Variants in SAMD4A observed in about 807,000 individuals in gnomAD.
SAMD4A encodes sterile alpha motif domain containing 4A.
SAMD4A carries 33 observed loss-of-function variants against 81.3 expected under a neutral mutation model. That is an observed-to-expected ratio of 0.41 (90% confidence interval 0.31 to 0.54). The LOEUF is 0.54. Among genes scored for constraint, SAMD4A ranks in the 20% least tolerant of loss-of-function variants. SAMD4A has a pLI of 0.37. For synonymous variants in SAMD4A, 389 were observed against 382.1 expected (o/e 1.02, Z -0.21); for missense variants, 854 against 951.1 (o/e 0.90, Z 1.34).
At chr14:54,736,487 GT>G (rs1212606592) in intron 3 of SAMD4A, among the ~76,000 whole-genome samples, 1 of 152,164 alleles carries the variant, frequency 6.6e-6, no homozygotes, top group Non-Finnish European at 1.5e-5. Flanking sequence ...AGAGGCCATA[GT>G]TCCCTGAATC....
chr14:54,753,373 T>C (rs1273682622), intron 6 of SAMD4A, among the ~76,000 whole-genome samples: 1 of 152,268 alleles, frequency 6.6e-6, no homozygotes, highest in Non-Finnish European at 1.5e-5. Context: ...CTTGTAAACA[T>C]TTTGTTAACA....
At chr14:54,628,462 A>G (rs2034818196) in intron 2 of SAMD4A, among the ~76,000 whole-genome samples, 1 of 152,174 alleles carries the variant, frequency 6.6e-6, no homozygotes, top group African/African-American at 2.4e-5. Context: ...GAAATTGCTG[A>G]TGCTCTGAAA....
chr14:54,712,858 G>A (rs1374521215), intron 3 of SAMD4A, among the ~76,000 whole-genome samples: 1 of 152,132 alleles, frequency 6.6e-6, no homozygotes, highest in African/African-American at 2.4e-5. Context: ...TACAGAGGAA[G>A]ACAGTTGTGT....
At chr14:54,658,843 C>T (rs2035580144) in intron 2 of SAMD4A, among the ~76,000 whole-genome samples, 1 of 152,258 alleles carries the variant, frequency 6.6e-6, no homozygotes, top group African/African-American at 2.4e-5. Context: ...ACTATTGTCA[C>T]TCATTAGAAG....
chr14:54,762,060 C>T (rs1478118210), intron 7 of SAMD4A, among the ~76,000 whole-genome samples: 1 of 152,212 alleles, frequency 6.6e-6, no homozygotes, highest in Non-Finnish European at 1.5e-5. Context: ...GGCCTTCCCA[C>T]AGACCATCCA....
At chr14:54,698,674 C>T (rs1594827949) in intron 2 of SAMD4A, among the ~76,000 whole-genome samples, 1 of 152,204 alleles carries the variant, frequency 6.6e-6, no homozygotes, top group East Asian at 1.9e-4. Flanking sequence ...GTGTAGTTAG[C>T]CCTCAGAGAG....
intron 2 of SAMD4A, among the ~76,000 whole-genome samples, chr14:54,700,739 A>G (rs988475668): frequency 2.0e-4 from 31 of 152,302 alleles, no homozygotes; most frequent in Admixed American, 1.6e-3. Flanking sequence ...CAATCCCAAG[A>G]CAGGCTATTT....
chr14:54,653,131 A>G (rs1402073763), intron 2 of SAMD4A, among the ~76,000 whole-genome samples: 1 of 149,818 alleles, frequency 6.7e-6, no homozygotes, highest in East Asian at 2.0e-4. Flanking sequence ...TTTCCCTCTT[A>G]CCTTCTCTTC....
intron 2 of SAMD4A, among the ~76,000 whole-genome samples, chr14:54,606,202 T>C (rs909167174): frequency 1.3e-5 from 2 of 151,324 alleles, no homozygotes; most frequent in African/African-American, 2.4e-5. Flanking sequence ...TGTGTGTGTG[T>C]GTGTGTGTGT....
At chr14:54,719,087 G>A (rs745439400) in intron 3 of SAMD4A, among the ~76,000 whole-genome samples, 5 of 151,962 alleles carry the variant, frequency 3.3e-5, no homozygotes, top group Admixed American at 6.6e-5. Context: ...CTTCCTTCTT[G>A]TAGAACAGCC....
chr14:54,674,770 C>T (rs943690583), intron 2 of SAMD4A, among the ~76,000 whole-genome samples: 1 of 152,132 alleles, frequency 6.6e-6, no homozygotes, highest in African/African-American at 2.4e-5. Context: ...ATTTTTGAGA[C>T]AGGGTCTCAC....
intron 3 of SAMD4A, among the ~76,000 whole-genome samples, chr14:54,717,739 G>A (rs1264047293): frequency 2.6e-5 from 4 of 152,122 alleles, no homozygotes; most frequent in African/African-American, 9.7e-5. Context: ...ACGTGATTGA[G>A]GCTAGGCAGT....
intron 3 of SAMD4A, among the ~76,000 whole-genome samples, chr14:54,706,935 A>G (rs926888292): frequency 2.6e-5 from 4 of 152,168 alleles, no homozygotes; most frequent in Non-Finnish European, 5.9e-5. Context: ...GATTATGAGC[A>G]AACCAGATGA....
At chr14:54,641,574 T>TA (rs1346639010) in intron 2 of SAMD4A, among the ~76,000 whole-genome samples, 5 of 152,216 alleles carry the variant, frequency 3.3e-5, no homozygotes, top group African/African-American at 1.2e-4. Context: ...CATAGTGGCA[T>TA]ATGAGACATG....
Position 54,654,775 on chromosome 14 carries a change from C to T in SAMD4A, c.197-47287C>T, listed in dbSNP as rs76913834. Among the ~76,000 whole-genome samples, 338 of 152,286 alleles carry T rather than the reference C, an allele frequency of 2.2e-3. 1 individual carries two copies. The highest frequency in any genetic ancestry group is 6.8e-3 in the Middle Eastern group (2 of 294). On this transcript the variant is annotated intron_variant, in intron 2 of 12. Coordinates refer to ENST00000554335, the MANE Select transcript of SAMD4A (RefSeq NM_015589.6). ...GTCAGCAAAAATTCTATCACAGAAG[C>T]AGTGTTGGTCTGTGATACTTGGGAA...
intron 2 of SAMD4A, among the ~76,000 whole-genome samples, chr14:54,637,376 AAAAAAAAAAAAG>A (rs1258462209): frequency 6.6e-6 from 1 of 150,482 alleles, no homozygotes; most frequent in African/African-American, 2.4e-5. Flanking sequence ...AAAAAAAAAA[AAAAAAAAAAAAG>A]AGGCAAGAAG....
At chr14:54,664,609 C>T (rs2035716871) in intron 2 of SAMD4A, among the ~76,000 whole-genome samples, 1 of 152,022 alleles carries the variant, frequency 6.6e-6, no homozygotes, top group African/African-American at 2.4e-5. Flanking sequence ...CCCCCACCCC[C>T]TCTCTTCTTC....
At chr14:54,766,659 G>A (rs1445305346) in intron 8 of SAMD4A, among the ~76,000 whole-genome samples, 1 of 152,134 alleles carries the variant, frequency 6.6e-6, no homozygotes, top group Non-Finnish European at 1.5e-5. Context: ...GGTGGCTTGG[G>A]GCAGACGGAA....
intron 3 of SAMD4A, among the ~76,000 whole-genome samples, chr14:54,716,130 T>C (rs1036465119): frequency 9.8e-5 from 15 of 152,354 alleles, no homozygotes; most frequent in African/African-American, 3.6e-4. Flanking sequence ...AGCATGTTAC[T>C]GGTCTTATTC....
Sources: allele counts gnomAD v4.1 joint callset (sites outside exome capture counted in the v4.1 genomes callset), GRCh38; gene constraint gnomAD v4.1.1; transcripts MANE v1.5; gene names NCBI Gene and HGNC (gene_info 2026-07-23, HGNC 2026-07-21).